Variants in POC5 observed in about 807,000 individuals in gnomAD.
The protein encoded by POC5 is centrosomal protein POC5.
A neutral mutation model predicts 62.9 loss-of-function variants in POC5; 48 were observed. That is an observed-to-expected ratio of 0.76 (90% CI 0.61 to 0.97). The LOEUF (loss-of-function observed/expected upper bound fraction) is 0.97. Among genes scored for constraint, POC5 ranks in the 50% least tolerant of loss-of-function variants. The probability of loss-of-function intolerance (pLI) is 0.00; values close to 1 mark genes in which losing one functional copy is unlikely to be tolerated. For missense variants in POC5, 696 were observed against 679.5 expected (o/e 1.02, Z -0.27); for synonymous variants, 236 against 228.2 (o/e 1.03, Z -0.31).
chr5:75,702,556 AT>A (rs1441567705), intron 5 of POC5, 48 bp downstream of exon 5: 2 of 1,518,268 alleles, frequency 1.3e-6, no homozygotes, highest in East Asian at 4.6e-5. Context: ...GAGTAAAACT[AT>A]TACATTACAT....
At chr5:75,684,837 T>G (rs1425891917) in intron 10 of POC5, among the ~76,000 whole-genome samples, 1 of 151,958 alleles carries the variant, frequency 6.6e-6, no homozygotes, top group Non-Finnish European at 1.5e-5. Context: ...GGAAAATATT[T>G]TATGAGTTCA....
rs369986527 is a variant in POC5, at chr5:75,707,772, C to G, written c.188G>C (p.Arg63Thr). The G allele has an allele frequency of 3.7e-5, 57 of 1,561,620 alleles. No homozygotes were observed. The highest frequency in any genetic ancestry group is 4.9e-5 in the Non-Finnish European group (56 of 1,148,992). ...HPKGELVPDVRISTIHDILHS... is the reference protein window; with the variant it reads ...HPKGELVPDVTISTIHDILHS... ...AAGAATATCATGAATTGTAGAAATT[C>G]TGACATCTGGCACCAATTCTCCCTT... The change falls in exon 3 of 12, where the codon AGA becomes ACA. Residue 63 changes from arginine to threonine, a missense_variant. Coordinates refer to ENST00000428202, the MANE Select transcript of POC5 (RefSeq NM_001099271.2).
In POC5 at chr5:75,685,258, A is replaced by C. The variant is rs751321064; in HGVS notation, c.1356T>G (p.Pro452=). 1 of 1,614,012 alleles carries C rather than the reference A, an allele frequency of 6.2e-7. No homozygotes were observed. The highest frequency in any genetic ancestry group is 1.1e-5 in the South Asian group (1 of 91,088). ...RAASASSVHV[P]VSALGAGSAA... The stretch of plus-strand genomic sequence containing the variant: ...CAGATCCTGCACCAAGAGCAGAAAC[A>C]GGAACGTGAACAGAAGATGCGGAAG... Residue 452 remains proline, a synonymous_variant, in exon 10 of 12, where the codon CCT becomes CCG. Coordinates refer to ENST00000428202, the MANE Select transcript of POC5 (RefSeq NM_001099271.2).
At chr5:75,689,526 A>AAAAAT (rs58994022) in intron 8 of POC5, 258,751 of 975,118 alleles carry the variant, frequency 0.27, 35,283 homozygotes, top group South Asian at 0.32. Context: ...CCTTTCAGAA[A>AAAAAT]AAAATAAAAT....
chr5:75,697,829 C>CT (rs529658192), intron 5 of POC5, among the ~76,000 whole-genome samples: 116 of 149,718 alleles, frequency 7.7e-4, no homozygotes, highest in Middle Eastern at 6.8e-3. Context: ...ACCCATCTCA[C>CT]GGGCAGAGAC....
rs773561682 is a variant in POC5, at chr5:75,685,298, G to T, written c.1316C>A (p.Thr439Asn). 6.2e-7 allele frequency: 1 copy of T among 1,614,056 alleles called. No homozygotes were observed. Among genetic ancestry groups the T allele is most frequent in the Admixed American group, 1.7e-5 (1 of 60,024 alleles). The change falls in exon 10 of 12, where the codon ACT (threonine) becomes AAT (asparagine). Residue 439 changes from threonine to asparagine, a missense_variant. Physicochemically the swap from Thr to Asn is moderately conservative, Grantham distance 65 (BLOSUM62 0). Coordinates refer to ENST00000428202, the MANE Select transcript of POC5 (RefSeq NM_001099271.2). ...AGATGCGGAAGCAGCCCTGGTAGAA[G>T]TCATCGAAGCAGCTGAGGGAACGGC... ...ATAVPSAASM[T>N]STRAASASSV...
intron 9 of POC5, among the ~76,000 whole-genome samples, chr5:75,687,688 A>T (rs985540669): frequency 1.7e-4 from 26 of 152,246 alleles, no homozygotes; most frequent in African/African-American, 6.3e-4. Context: ...AAGGTGGGAA[A>T]TACTCCTAAG....
At chr5:75,689,496 C>T in intron 8 of POC5, 2 of 983,210 alleles carry the variant, frequency 2.0e-6, no homozygotes, top group Non-Finnish European at 2.4e-6. Context: ...AAACAAAATA[C>T]ATTAAGAGCC....
intron 10 of POC5, among the ~76,000 whole-genome samples, chr5:75,684,400 T>C (rs1370972311): frequency 6.7e-6 from 1 of 150,114 alleles, no homozygotes; most frequent in Non-Finnish European, 1.5e-5. Flanking sequence ...AGTTTCACTC[T>C]TGTTGCCCAG....
intron 10 of POC5, among the ~76,000 whole-genome samples, chr5:75,678,680 T>G (rs1479134638): frequency 6.6e-6 from 1 of 152,204 alleles, no homozygotes; most frequent in African/African-American, 2.4e-5. Flanking sequence ...AACATACTAC[T>G]TTGTCTTTCT....
rs182404232 is a variant in POC5 at position 75,696,371 on chromosome 5, C to A, written c.514-1540G>T. On this transcript the variant is annotated intron_variant, in intron 5 of 11. Coordinates refer to ENST00000428202, the MANE Select transcript of POC5 (RefSeq NM_001099271.2). ...CAGCACGCAGCTGGAGATCTGAGAA[C>A]GGGCAGCCTGCCTCAAGTGGGTCCC... Among the ~76,000 whole-genome samples the A allele has an allele frequency of 2.6e-5, 4 of 152,324 alleles. No homozygotes were observed. The South Asian group carries it at 6.2e-4, about 24-fold the overall frequency.
chr5:75,677,982 A>C, intron 10 of POC5, 32 bp from the exon 11 acceptor site: 1 of 1,444,622 alleles, frequency 6.9e-7, no homozygotes, highest in Non-Finnish European at 9.2e-7. Context: ...AGAAGTAACA[A>C]GGTGGCAGAA....
At chr5:75,708,544 C>T (rs1777216078) in intron 2 of POC5, among the ~76,000 whole-genome samples, 2 of 152,188 alleles carry the variant, frequency 1.3e-5, no homozygotes, top group South Asian at 4.1e-4. Context: ...AAACTGGATA[C>T]TTAAGTTTAT....
At chr5:75,698,814 C>A (rs1037817888) in intron 5 of POC5, among the ~76,000 whole-genome samples, 1 of 152,044 alleles carries the variant, frequency 6.6e-6, no homozygotes, top group African/African-American at 2.4e-5. Flanking sequence ...AATTGATAGA[C>A]TGCTAGCAAG....
intron 10 of POC5, among the ~76,000 whole-genome samples, chr5:75,678,715 T>C (rs56676015): frequency 0.21 from 32,026 of 152,150 alleles, 5,185 homozygotes; most frequent in African/African-American, 0.43. Flanking sequence ...TAGCACATTT[T>C]GCAAAAGAAA....
At chr5:75,692,776 A>C (rs973219330) in intron 6 of POC5, among the ~76,000 whole-genome samples, 10 of 152,114 alleles carry the variant, frequency 6.6e-5, no homozygotes, top group Admixed American at 2.6e-4. Flanking sequence ...CAAATTAGCT[A>C]CTGACATTCA....
chr5:75,693,519 T>C (rs1776433608), intron 6 of POC5, among the ~76,000 whole-genome samples: 1 of 152,186 alleles, frequency 6.6e-6, no homozygotes, highest in Non-Finnish European at 1.5e-5. Flanking sequence ...ACATATGATA[T>C]CTATATTCTT....
chr5:75,707,575 A>C, intron 3 of POC5, 162 bp downstream of exon 3: 2 of 531,284 alleles, frequency 3.8e-6, no homozygotes, highest in Non-Finnish European at 3.3e-6. Context: ...AGAGTCAGGA[A>C]TAATATATTA....
Position 75,674,342 on chromosome 5 carries a change from T to A in POC5, c.*93A>T, listed in dbSNP as rs1775570941. 1 of 1,330,360 alleles carries A rather than the reference T, an allele frequency of 7.5e-7. No homozygotes were observed. The highest frequency in any genetic ancestry group is 1.0e-6 in the Non-Finnish European group (1 of 969,906). 82.4% of individuals were successfully genotyped at this position (1,330,360 alleles called of 1,614,324 possible). ...ACAGATGAACATGATGTCTCCATGA[T>A]GTTCTAACAATATGGAAAAGTTAAA... On this transcript the variant is annotated 3_prime_UTR_variant, in exon 12 of 12. Coordinates refer to ENST00000428202, the MANE Select transcript of POC5 (RefSeq NM_001099271.2).
Sources: gnomAD v4.1 joint callset for allele counts (sites outside exome capture counted in the v4.1 genomes callset) on GRCh38, gnomAD v4.1.1 for gene constraint, MANE v1.5 for transcripts, NCBI Gene and HGNC (gene_info 2026-07-23, HGNC 2026-07-21) for gene names.